The following PDE10A variants were observed in gnomAD, a reference collection of about 807,000 sequenced individuals.
PDE10A encodes cAMP and cAMP-inhibited cGMP 3',5'-cyclic phosphodiesterase 10A.
PDE10A carries 39 observed loss-of-function variants against 97.7 expected under a neutral mutation model. That is an observed-to-expected ratio of 0.40 (90% CI 0.31 to 0.52). PDE10A has a LOEUF of 0.52. Ranked by LOEUF, PDE10A falls within the 20% of genes least tolerant of loss-of-function variation. The pLI, the probability that PDE10A is intolerant of heterozygous loss-of-function variation, is 0.56. For synonymous variants in PDE10A, 371 were observed against 376.8 expected, an observed-to-expected ratio of 0.98 and a Z score of 0.18; for missense variants, 731 against 1,047.8, an observed-to-expected ratio of 0.70 and a Z score of 4.17.
intron 1 of PDE10A, among the ~76,000 whole-genome samples, chr6:165,737,964 AC>A (rs1385763376): frequency 2.0e-5 from 3 of 152,260 alleles, no homozygotes; most frequent in Non-Finnish European, 2.9e-5. Context: ...AGTAGCAGAT[AC>A]AAAATCACCT....
At chr6:165,956,645 T>G (rs1784141474) in intron 1 of PDE10A, among the ~76,000 whole-genome samples, 1 of 152,354 alleles carries the variant, frequency 6.6e-6, no homozygotes, top group African/African-American at 2.4e-5. Flanking sequence ...TGACAAGATT[T>G]ACCAGATCCT....
chr6:165,573,211 T>C (rs73786640), intron 1 of PDE10A, among the ~76,000 whole-genome samples: 12,307 of 151,802 alleles, frequency 0.081, 879 homozygotes, highest in African/African-American at 0.2. Flanking sequence ...TTTTATAGAA[T>C]AATGTACTGC....
At chr6:165,518,477 G>C (rs1451778032) in intron 2 of PDE10A, among the ~76,000 whole-genome samples, 1 of 152,188 alleles carries the variant, frequency 6.6e-6, no homozygotes. Flanking sequence ...CCACGCTGCA[G>C]ATGCTCCTGA....
intron 1 of PDE10A, among the ~76,000 whole-genome samples, chr6:165,642,183 C>G (rs1789168310): frequency 6.6e-6 from 1 of 152,238 alleles, no homozygotes. Flanking sequence ...CACCTGCTCT[C>G]CCACAGCCCC....
chr6:165,486,457 G>A lies in PDE10A; in HGVS notation c.995-4114C>T, dbSNP rs567011874. Among the ~76,000 whole-genome samples, 11 of 152,262 alleles carry A rather than the reference G, an allele frequency of 7.2e-5. No individual in the cohort carries two copies. The East Asian group carries it at 1.4e-3, about 19-fold the overall frequency. On this transcript the variant is annotated intron_variant, in intron 2 of 21. Transcript: ENST00000539869. ...TTGTGTGGCTGGAGCTCCTTAGGTC[G>A]CTTCTGAATGTGAGTCTGTGCACTG... is the stretch of plus-strand genomic sequence containing the variant.
At chr6:165,870,242 C>T (rs972884125) in intron 1 of PDE10A, among the ~76,000 whole-genome samples, 31 of 152,100 alleles carry the variant, frequency 2.0e-4, no homozygotes, top group African/African-American at 7.2e-4. Context: ...GGAACTCAAA[C>T]AACTTAACAG....
At chr6:165,457,357 G>C (rs535554400) in intron 3 of PDE10A, among the ~76,000 whole-genome samples, 2 of 152,234 alleles carry the variant, frequency 1.3e-5, no homozygotes, top group South Asian at 4.1e-4. Context: ...TAAGCTGGGA[G>C]CTACACATTT....
intron 2 of PDE10A, among the ~76,000 whole-genome samples, chr6:165,533,202 A>G (rs980777834): frequency 3.3e-5 from 5 of 152,166 alleles, no homozygotes; most frequent in African/African-American, 1.2e-4. Flanking sequence ...CTTCCCCTAA[A>G]TGAAAGTGAT....
At chr6:165,983,162 A>C (rs1003701492) in intron 1 of PDE10A, among the ~76,000 whole-genome samples, 13 of 152,180 alleles carry the variant, frequency 8.5e-5, no homozygotes, top group African/African-American at 2.4e-4. Context: ...AATGTACTTC[A>C]TCTTTCCTTT....
rs1197399744 is a variant in PDE10A, at chr6:165,896,586, G to A, written c.-615+90943C>T. The stretch of plus-strand genomic sequence containing the variant: ...GTCGCCCAGGCTGGAGTACAGTGGC[G>A]CAATCTCGGCTCACTGCAAGCTCCG... On this transcript the variant is annotated intron_variant, in intron 1 of 19. Coordinates refer to the PDE10A transcript ENST00000366882. 1.6e-4 allele frequency among the ~76,000 whole-genome samples: 24 copies of A among 147,058 alleles called. No homozygotes were observed. In the Middle Eastern group the frequency reaches 0.014, roughly 86 times the overall value.
At chr6:165,866,466 T>C (rs1781053669) in intron 1 of PDE10A, among the ~76,000 whole-genome samples, 1 of 151,046 alleles carries the variant, frequency 6.6e-6, no homozygotes, top group African/African-American at 2.4e-5. Context: ...TACACAGTCA[T>C]GCACTGGTGC....
chr6:165,581,363 C>T (rs1785608673), intron 1 of PDE10A, among the ~76,000 whole-genome samples: 1 of 152,150 alleles, frequency 6.6e-6, no homozygotes, highest in Non-Finnish European at 1.5e-5. Flanking sequence ...GAGTAGAGCC[C>T]TCACTGACAG....
At chr6:165,367,507 G>A (rs1447593281) in intron 18 of PDE10A, among the ~76,000 whole-genome samples, 1 of 152,042 alleles carries the variant, frequency 6.6e-6, no homozygotes, top group Non-Finnish European at 1.5e-5. Context: ...GAAATGTAAT[G>A]CTTGAAACTT....
At chr6:165,867,970 G>A (rs966888834) in intron 1 of PDE10A, among the ~76,000 whole-genome samples, 7 of 151,928 alleles carry the variant, frequency 4.6e-5, no homozygotes, top group Non-Finnish European at 1.0e-4. Flanking sequence ...AAAATGTCCT[G>A]AAACAAATGA....
rs1286666516 is a variant in PDE10A, at chr6:165,543,506, C to G, written c.928G>C (p.Val310Leu). 4 of 1,612,160 alleles carry G rather than the reference C, an allele frequency of 2.5e-6. No homozygotes were observed. The highest frequency in any genetic ancestry group is 1.7e-5 in the Admixed American group (1 of 59,884). The change falls in exon 2 of 22, where the codon GTA becomes CTA. Residue 310 changes from valine to leucine, a missense_variant. By Grantham distance (32) the Val-to-Leu change is conservative. This residue lies in a region of PDE10A where 181 missense variants were observed against 159.1 expected (regional missense o/e 1.14). Coordinates refer to ENST00000539869, the MANE Select transcript of PDE10A (RefSeq NM_001385079.1). ...SLHPQVLDEFVSESVSAETVE... is the reference protein window; with the variant it reads ...SLHPQVLDEFLSESVSAETVE... ...GTCTCTGCACTAACACTTTCAGATA[C>G]AAATTCATCTAATACCTGGGGGTGA...
At chr6:165,556,985 A>G (rs913124537) in intron 1 of PDE10A, among the ~76,000 whole-genome samples, 5 of 152,086 alleles carry the variant, frequency 3.3e-5, no homozygotes, top group African/African-American at 1.2e-4. Context: ...CTAAAAATAC[A>G]AAAATTAGCC....
At chr6:165,841,909 T>C (rs771618543) in intron 1 of PDE10A, among the ~76,000 whole-genome samples, 3 of 152,242 alleles carry the variant, frequency 2.0e-5, no homozygotes, top group Admixed American at 6.5e-5. Context: ...GAGCTTTTCA[T>C]TTTTATTGTG....
At chr6:165,752,216 G>T (rs992327635) in intron 1 of PDE10A, among the ~76,000 whole-genome samples, 2 of 151,106 alleles carry the variant, frequency 1.3e-5, no homozygotes, top group African/African-American at 4.9e-5. Context: ...ATGTGGGTGC[G>T]CACTGTCTAT....
At chr6:165,513,185 G>A (rs752213105) in intron 2 of PDE10A, among the ~76,000 whole-genome samples, 1 of 151,836 alleles carries the variant, frequency 6.6e-6, no homozygotes, top group African/African-American at 2.4e-5. Context: ...TTACAGTAAG[G>A]CATATGATTC....
Sources: allele counts gnomAD v4.1 joint callset (sites outside exome capture counted in the v4.1 genomes callset), GRCh38; gene constraint gnomAD v4.1.1; regional missense constraint gnomAD v4.1.1; transcripts MANE v1.5; gene names NCBI Gene and HGNC (gene_info 2026-07-23, HGNC 2026-07-21).